Variants in SLC14A2 observed in about 807,000 individuals in gnomAD.
SLC14A2 encodes the protein urea transporter 2.
A neutral mutation model predicts 104.6 loss-of-function variants in SLC14A2; 91 were observed. The ratio of observed to expected loss-of-function variants is 0.87; its 90% confidence interval spans 0.73 to 1.04. The LOEUF is 1.04. Among genes scored for constraint, SLC14A2 ranks in the 50% least tolerant of loss-of-function variants. The probability of loss-of-function intolerance (pLI) is 0.00; values close to 1 mark genes in which losing one functional copy is unlikely to be tolerated. For synonymous variants in SLC14A2, 476 were observed against 466.4 expected, an observed-to-expected ratio of 1.02 and a Z score of -0.27; for missense variants, 1,189 against 1,156.0, an observed-to-expected ratio of 1.03 and a Z score of -0.41.
chr18:45,535,206 G>A (rs540506073), intron 2 of SLC14A2, among the ~76,000 whole-genome samples: 1 of 152,194 alleles, frequency 6.6e-6, no homozygotes, highest in Non-Finnish European at 1.5e-5. Flanking sequence ...ATTTGCCGGG[G>A]AAGGAGCTTG....
chr18:45,411,457 A>T (rs571591676), intron 1 of SLC14A2, among the ~76,000 whole-genome samples: 1 of 152,196 alleles, frequency 6.6e-6, no homozygotes, highest in African/African-American at 2.4e-5. Context: ...CAGTGAAGGG[A>T]TATCGTTTTT....
At chr18:45,305,608 A>G (rs2085011894) in intron 1 of SLC14A2, among the ~76,000 whole-genome samples, 1 of 151,982 alleles carries the variant, frequency 6.6e-6, no homozygotes. Flanking sequence ...ACTTCCACCC[A>G]TCACGTGAAC....
Position 45,679,068 on chromosome 18 carries a change from G to T in SLC14A2, c.2562+44G>T, listed in dbSNP as rs1482877660. On this transcript the variant is annotated intron_variant, in intron 19 of 19. Transcript: ENST00000255226. ...AGAACGTGCCTACAACATCCTTCCT[G>T]GTGTCCTCTTGGCTTCCCCAAACCT... 3.2e-6 allele frequency: 5 copies of T among 1,585,262 alleles called. No individual in the cohort carries two copies. The Admixed American group carries it at 7.0e-5, about 22-fold the overall frequency.
In SLC14A2 at chr18:45,663,914, A is replaced by G. The variant is rs771957640; in HGVS notation, c.1474+7A>G. ...ATTCGGAGGAGGAGCAAAGGTGTGCATGTCCTCCCCCTCACGCTTGGATCC... is the reference window on the plus strand; with the variant it reads ...ATTCGGAGGAGGAGCAAAGGTGTGCGTGTCCTCCCCCTCACGCTTGGATCC... On this transcript the variant is annotated splice_region_variant and intron_variant, in intron 11 of 19. Transcript: ENST00000255226. 2 of 1,608,834 alleles carry G rather than the reference A, an allele frequency of 1.2e-6. No individual in the cohort carries two copies. The highest frequency in any genetic ancestry group is 3.4e-5 in the Admixed American group (2 of 59,476).
chr18:45,340,651 G>A (rs2085384579), intron 1 of SLC14A2, among the ~76,000 whole-genome samples: 1 of 152,192 alleles, frequency 6.6e-6, no homozygotes, highest in Non-Finnish European at 1.5e-5. Flanking sequence ...GTCTTTTGTA[G>A]GCTAGAGATT....
chr18:45,173,458 A>G, the SLC14A2 span, among the ~76,000 whole-genome samples: 2 of 151,928 alleles, frequency 1.3e-5, no homozygotes, highest in Non-Finnish European at 2.9e-5. Flanking sequence ...ATTGCCTGAA[A>G]ATTTCTCTTT....
At chr18:45,448,118 C>T (rs963790595) in intron 1 of SLC14A2, among the ~76,000 whole-genome samples, 3 of 152,196 alleles carry the variant, frequency 2.0e-5, no homozygotes, top group Non-Finnish European at 4.4e-5. Flanking sequence ...GCACACCCAC[C>T]TGCTTCTATT....
At chr18:45,674,908 A>T (rs1123335) in intron 18 of SLC14A2, among the ~76,000 whole-genome samples, 6,831 of 152,230 alleles carry the variant, frequency 0.045, 461 homozygotes, top group African/African-American at 0.15. Flanking sequence ...GAAATTTTGC[A>T]CCCCAGGTGC....
At position 45,641,245 on chromosome 18, in the gene SLC14A2, C is replaced by T; in HGVS notation, c.1028C>T (p.Thr343Ile). ...GCCACACCCTTCGAGACCATCTACA[C>T]AGGCCTCTGGAGCTACAACTGCGTC... ...SVATPFETIY[T>I]GLWSYNCVLS... Residue 343 changes from threonine (T) to isoleucine (I), a missense_variant, in exon 8 of 20, where the codon ACA becomes ATA. Coordinates refer to ENST00000255226, the MANE Select transcript of SLC14A2 (RefSeq NM_007163.4). 1 of 1,614,186 alleles carries T rather than the reference C, an allele frequency of 6.2e-7. No homozygotes were observed.
At chr18:45,182,121 C>A in the SLC14A2 span, among the ~76,000 whole-genome samples, 1 of 151,606 alleles carries the variant, frequency 6.6e-6, no homozygotes, top group Admixed American at 6.6e-5. Context: ...CAGAGGATTA[C>A]CACACTAATC....
chr18:45,356,552 A>G (rs773743779), intron 1 of SLC14A2, among the ~76,000 whole-genome samples: 10 of 152,234 alleles, frequency 6.6e-5, no homozygotes, highest in Non-Finnish European at 1.3e-4. Context: ...GAAGTGATCG[A>G]ACCTGAGACC....
intron 2 of SLC14A2, among the ~76,000 whole-genome samples, chr18:45,487,631 T>C (rs1181575586): frequency 6.6e-6 from 1 of 152,000 alleles, no homozygotes; most frequent in Non-Finnish European, 1.5e-5. Flanking sequence ...GTGTTGGAAG[T>C]AAGAGGGCTT....
chr18:45,478,993 C>T (rs1180904912), intron 1 of SLC14A2, among the ~76,000 whole-genome samples: 3 of 152,190 alleles, frequency 2.0e-5, no homozygotes, highest in Non-Finnish European at 4.4e-5. Flanking sequence ...TTGGTTCTGC[C>T]CTCTTTGGCA....
At chr18:45,259,261 T>C (rs952087121) in intron 1 of SLC14A2, among the ~76,000 whole-genome samples, 2 of 152,186 alleles carry the variant, frequency 1.3e-5, no homozygotes, top group African/African-American at 4.8e-5. Context: ...CTTGGAATCA[T>C]GAATTATGTC....
intron 1 of SLC14A2, among the ~76,000 whole-genome samples, chr18:45,445,106 C>CT (rs34188378): frequency 0.022 from 2,055 of 94,704 alleles, 132 homozygotes; most frequent in African/African-American, 0.064. Context: ...AATTGACATG[C>CT]TTTTTTTTTT....
intron 2 of SLC14A2, among the ~76,000 whole-genome samples, chr18:45,592,074 G>A (rs112870188): frequency 6.6e-6 from 1 of 152,132 alleles, no homozygotes; most frequent in African/African-American, 2.4e-5. Flanking sequence ...TAATCACTGG[G>A]GTCAAGAAGA....
At chr18:45,595,413 T>C (rs2144398589) in intron 2 of SLC14A2, among the ~76,000 whole-genome samples, 1 of 152,304 alleles carries the variant, frequency 6.6e-6, no homozygotes, top group South Asian at 2.1e-4. Flanking sequence ...TGGGTTTTTT[T>C]TTTTTTAAGC....
intron 2 of SLC14A2, among the ~76,000 whole-genome samples, chr18:45,607,939 G>A (rs187653733): frequency 6.6e-6 from 1 of 152,364 alleles, no homozygotes; most frequent in East Asian, 1.9e-4. Flanking sequence ...CCCAGAGCAA[G>A]TGACACAAGA....
intron 2 of SLC14A2, among the ~76,000 whole-genome samples, chr18:45,554,220 C>A (rs963865882): frequency 6.6e-6 from 1 of 152,090 alleles, no homozygotes; most frequent in African/African-American, 2.4e-5. Flanking sequence ...CCCATACAGT[C>A]AAAGCAGTAA....
Sources: gnomAD v4.1 joint callset for allele counts (sites outside exome capture counted in the v4.1 genomes callset) on GRCh38, gnomAD v4.1.1 for gene constraint, MANE v1.5 for transcripts, NCBI Gene and HGNC (gene_info 2026-07-23, HGNC 2026-07-21) for gene names.